ZFYVE16: variants seen among roughly 807,000 people sequenced by gnomAD.
ZFYVE16 encodes zinc finger FYVE-type containing 16, also known as zinc finger FYVE domain-containing protein 16.
In ZFYVE16, 89 loss-of-function variants were observed where a neutral mutation model predicts 138.1. The observed-to-expected ratio is 0.64, with a 90% CI of 0.54 to 0.77. The LOEUF is 0.77. Ranked by LOEUF, ZFYVE16 falls within the 30% of genes least tolerant of loss-of-function variation. The pLI, the probability that ZFYVE16 is intolerant of heterozygous loss-of-function variation, is 0.00. For missense variants in ZFYVE16, 1,793 were observed against 1,786.7 expected, an observed-to-expected ratio of 1.00 and a Z score of -0.06; for synonymous variants, 596 against 618.3, an observed-to-expected ratio of 0.96 and a Z score of 0.53.
chr5:80,427,610 C>CTTTTTTTTTTTTTTTTTTTTTTTTATT, intron 2 of ZFYVE16, 65 bp downstream of exon 2: 3 of 50,008 alleles, frequency 6.0e-5, no homozygotes, highest in Non-Finnish European at 1.2e-4. Flanking sequence ...CTGTCGTATG[C>CTTTTTTTTTTTTTTTTTTTTTTTTATT]TTTTTTTTTT....
chr5:80,469,094 C>CTTTT (rs60001690), intron 15 of ZFYVE16, among the ~76,000 whole-genome samples: 1 of 136,594 alleles, frequency 7.3e-6, no homozygotes, highest in Non-Finnish European at 1.6e-5. Flanking sequence ...TTCTTTCTCT[C>CTTTT]TTTTTTTTTT....
chr5:80,451,466 C>A lies in ZFYVE16; in HGVS notation c.3383-19C>A. 6.4e-7 allele frequency: 1 copy of A among 1,554,640 alleles called. No homozygotes were observed. The highest frequency in any genetic ancestry group is 8.7e-7 in the Non-Finnish European group (1 of 1,143,896). Reference sequence around the variant, plus strand: ...AACAAAACAACTTAAAATCTTTTTACTAATGATTTTATTTGCAGGAAAATA... The same window carrying A: ...AACAAAACAACTTAAAATCTTTTTAATAATGATTTTATTTGCAGGAAAATA... On this transcript the variant is annotated intron_variant, in intron 10 of 18. Coordinates refer to ENST00000505560, the MANE Select transcript of ZFYVE16 (RefSeq NM_001284236.3).
Position 80,478,419 on chromosome 5 carries a change from AT to A in ZFYVE16, c.*1048del, listed in dbSNP as rs1162910533. On this transcript the variant is annotated 3_prime_UTR_variant, in exon 19 of 19. Coordinates refer to ENST00000505560, the MANE Select transcript of ZFYVE16 (RefSeq NM_001284236.3). The stretch of plus-strand genomic sequence containing the variant: ...ATTTTAAATTCTTTATATGGTAGTT[AT>A]TTTTTATAACAGGATATTAACATAA... The A allele has an allele frequency of 6.6e-6, 1 of 152,074 alleles. No individual in the cohort carries two copies. The highest frequency in any genetic ancestry group is 2.4e-5 in the African/African-American group (1 of 41,444). The allele number at this position is 152,074 out of a possible 1,614,324, so 9.4% of individuals were successfully genotyped here. A position where few individuals can be genotyped will look rare whatever the true frequency, so the allele number is the denominator to read the frequency against.
chr5:80,408,377 G>T (rs569288491), intron 1 of ZFYVE16, among the ~76,000 whole-genome samples: 1 of 152,368 alleles, frequency 6.6e-6, no homozygotes, highest in South Asian at 2.1e-4. Flanking sequence ...TGAAGGGCCA[G>T]ACCGGACTGG....
chr5:80,409,154 T>G (rs1745073634), intron 1 of ZFYVE16, among the ~76,000 whole-genome samples: 1 of 152,204 alleles, frequency 6.6e-6, no homozygotes, highest in African/African-American at 2.4e-5. Flanking sequence ...CCCCTGTGCA[T>G]TTTCTTGAGA....
At chr5:80,413,651 G>T (rs1745791324) in intron 1 of ZFYVE16, among the ~76,000 whole-genome samples, 1 of 152,130 alleles carries the variant, frequency 6.6e-6, no homozygotes, top group Admixed American at 6.5e-5. Context: ...AGGGTAGGTA[G>T]CTAATAATAT....
chr5:80,477,517 T>A lies in ZFYVE16; in HGVS notation c.*140T>A. 2.8e-6 allele frequency: 2 copies of A among 702,342 alleles called. No homozygotes were observed. The highest frequency in any genetic ancestry group is 4.2e-6 in the Non-Finnish European group (2 of 480,582). 43.5% of individuals were successfully genotyped at this position (702,342 alleles called of 1,614,324 possible). A position where few individuals can be genotyped will look rare whatever the true frequency, so the allele number is the denominator to read the frequency against. ...ATAAGCTTTGCTCTTTAGGCAGGAA[T>A]GATCTTTTCAAATCATTAGCACAAT... On this transcript the variant is annotated 3_prime_UTR_variant, in exon 19 of 19. Transcript: ENST00000505560.
intron 2 of ZFYVE16, among the ~76,000 whole-genome samples, chr5:80,427,970 T>TAAAAAA: frequency 1.8e-4 from 1 of 5,450 alleles, no homozygotes; most frequent in Non-Finnish European, 1.5e-3. Flanking sequence ...AGACTCCATC[T>TAAAAAA]CAAAAAAAAA....
intron 7 of ZFYVE16, 135 bp from the exon 8 acceptor site, chr5:80,447,891 T>C (rs1751556751): frequency 1.4e-6 from 1 of 724,974 alleles, no homozygotes; most frequent in Non-Finnish European, 2.0e-6. Flanking sequence ...AATTTGACTT[T>C]AAGAGAATTT....
chr5:80,465,143 G>A (rs1377161734), intron 15 of ZFYVE16, among the ~76,000 whole-genome samples: 1 of 151,964 alleles, frequency 6.6e-6, no homozygotes, highest in African/African-American at 2.4e-5. Flanking sequence ...TTATTCATGT[G>A]CATTCAAGTT....
At chr5:80,444,278 A>G (rs1244106784) in intron 6 of ZFYVE16, among the ~76,000 whole-genome samples, 4 of 152,148 alleles carry the variant, frequency 2.6e-5, no homozygotes, top group Admixed American at 2.6e-4. Context: ...GTGTTTGAAA[A>G]TATGTATATA....
intron 11 of ZFYVE16, among the ~76,000 whole-genome samples, chr5:80,452,684 C>CA (rs1752116102): frequency 6.6e-6 from 1 of 152,030 alleles, no homozygotes; most frequent in Non-Finnish European, 1.5e-5. Flanking sequence ...TTCAGTTACT[C>CA]ACTATAATTA....
intron 1 of ZFYVE16, among the ~76,000 whole-genome samples, chr5:80,420,566 A>T (rs1580112405): frequency 6.6e-6 from 1 of 152,210 alleles, no homozygotes; most frequent in East Asian, 1.9e-4. Flanking sequence ...TGTCCTTGCG[A>T]TAGTTGGCTG....
intron 1 of ZFYVE16, among the ~76,000 whole-genome samples, chr5:80,412,277 A>G (rs982646349): frequency 3.9e-5 from 6 of 152,196 alleles, no homozygotes; most frequent in African/African-American, 1.2e-4. Flanking sequence ...AAACCATTTT[A>G]TTGTAAATAT....
intron 1 of ZFYVE16, among the ~76,000 whole-genome samples, chr5:80,421,953 G>C (rs937747349): frequency 3.3e-5 from 5 of 152,154 alleles, no homozygotes; most frequent in African/African-American, 7.2e-5. Flanking sequence ...GCATTTGTTT[G>C]TGTCCTCTTT....
At chr5:80,423,428 A>G (rs1004414267) in intron 1 of ZFYVE16, among the ~76,000 whole-genome samples, 5 of 152,076 alleles carry the variant, frequency 3.3e-5, no homozygotes, top group African/African-American at 1.2e-4. Context: ...TGGTTTATCA[A>G]TTTTATTGGT....
In ZFYVE16 at chr5:80,413,721, A is replaced by G. The variant is rs551012513; in HGVS notation, c.-94+5568A>G. On this transcript the variant is annotated intron_variant, in intron 1 of 18. Coordinates refer to ENST00000505560, the MANE Select transcript of ZFYVE16 (RefSeq NM_001284236.3). ...TAAAATGGAAGCCTTAGGGCATTAA[A>G]GATTAATTCTCTCGCCGAACCTTAA... Among the ~76,000 whole-genome samples, 5 of 152,346 alleles carry G rather than the reference A, an allele frequency of 3.3e-5. No individual in the cohort carries two copies. The South Asian group carries it at 1.0e-3, about 32-fold the overall frequency.
At chr5:80,469,493 T>C (rs528146481) in intron 15 of ZFYVE16, among the ~76,000 whole-genome samples, 1 of 152,282 alleles carries the variant, frequency 6.6e-6, no homozygotes, top group South Asian at 2.1e-4. Context: ...TCCTCCCTCC[T>C]CAGCCTCCCC....
intron 15 of ZFYVE16, among the ~76,000 whole-genome samples, chr5:80,471,728 A>G (rs1202257486): frequency 2.0e-5 from 3 of 152,218 alleles, no homozygotes; most frequent in African/African-American, 7.2e-5. Flanking sequence ...CAATAGTTAT[A>G]TGCTTTAGAA....
Sources: allele counts gnomAD v4.1 joint callset (sites outside exome capture counted in the v4.1 genomes callset), GRCh38; gene constraint gnomAD v4.1.1; transcripts MANE v1.5; gene names NCBI Gene and HGNC (gene_info 2026-07-23, HGNC 2026-07-21).